The following CTCF variants were observed in gnomAD, a reference collection of about 807,000 sequenced individuals.
CTCF encodes transcriptional repressor CTCF.
In CTCF, 7 loss-of-function variants were observed where a neutral mutation model predicts 72.3. The ratio of observed to expected loss-of-function variants is 0.10; its 90% CI spans 0.06 to 0.18. CTCF has a LOEUF of 0.18. Among genes scored for constraint, CTCF ranks in the 10% least tolerant of loss-of-function variants. The probability of loss-of-function intolerance (pLI) is 1.00; values close to 1 mark genes in which losing one functional copy is unlikely to be tolerated. For missense variants in CTCF, 516 were observed against 949.1 expected, an observed-to-expected ratio of 0.54 and a Z score of 6.00; for synonymous variants, 374 against 315.8, an observed-to-expected ratio of 1.18 and a Z score of -1.95.
At chr16:67,631,111 G>C (rs2052355636) in intron 10 of CTCF, among the ~76,000 whole-genome samples, 1 of 151,536 alleles carries the variant, frequency 6.6e-6, no homozygotes, top group African/African-American at 2.4e-5. Context: ...GAACATATTG[G>C]AGAACTTTAG....
chr16:67,576,311 A>T lies in CTCF; in HGVS notation c.-10+5047A>T, dbSNP rs542088400. Among the ~76,000 whole-genome samples, 3 of 152,244 alleles carry T rather than the reference A, an allele frequency of 2.0e-5. No individual in the cohort carries two copies. The South Asian group carries it at 6.2e-4, about 32-fold the overall frequency. ...AGCTCAATAAGTAATTATTTGGATG[A>T]ATGAATGCCTAGGGAAAAAAGACTA... On this transcript the variant is annotated intron_variant, in intron 2 of 11. Coordinates refer to ENST00000264010, the MANE Select transcript of CTCF (RefSeq NM_006565.4).
intron 2 of CTCF, among the ~76,000 whole-genome samples, chr16:67,584,334 C>CGTCTTTTTTTTTTTTTT (rs1567596519): frequency 1.6e-5 from 2 of 121,928 alleles, no homozygotes; most frequent in African/African-American, 7.3e-5. Context: ...AAAAAAAAGT[C>CGTCTTTTTTTTTTTTTT]TTCTTTTTTT....
intron 2 of CTCF, among the ~76,000 whole-genome samples, chr16:67,575,694 T>C (rs1332523282): frequency 6.1e-4 from 92 of 151,878 alleles, no homozygotes; most frequent in African/African-American, 2.2e-3. Flanking sequence ...CCGCCCACCT[T>C]GGCCTCCCAA....
chr16:67,582,868 G>C (rs546677972), intron 2 of CTCF, among the ~76,000 whole-genome samples: 5 of 151,864 alleles, frequency 3.3e-5, no homozygotes, highest in African/African-American at 9.7e-5. Flanking sequence ...TGACATAGAG[G>C]TCTGTCTTAG....
In CTCF at chr16:67,612,096, G is replaced by A. The variant is rs202192196; in HGVS notation, c.927G>A (p.Leu309=). Residue 309 remains leucine, a synonymous_variant, in exon 4 of 12, where the codon CTG becomes CTA. Coordinates refer to ENST00000264010, the MANE Select transcript of CTCF (RefSeq NM_006565.4). ...CGRAFRTVTL[L]RNHLNTHTGT... ...GGGCATTCAGAACAGTCACCCTCCTGAGGAATCACCTTAACACACACACAG... is the reference window on the plus strand; with the variant it reads ...GGGCATTCAGAACAGTCACCCTCCTAAGGAATCACCTTAACACACACACAG... 3 of 1,614,118 alleles carry A rather than the reference G, an allele frequency of 1.9e-6. No homozygotes were observed. Among genetic ancestry groups the A allele is most frequent in the Middle Eastern group, 1.6e-4 (1 of 6,062 alleles).
At chr16:67,568,409 G>A (rs1410491481) in intron 1 of CTCF, 1 of 146,332 alleles carries the variant, frequency 6.8e-6, no homozygotes, top group Non-Finnish European at 1.5e-5. Context: ...TCTTCCCTGA[G>A]ACGAAGTCTT....
chr16:67,634,922 C>T (rs149220178), intron 10 of CTCF, among the ~76,000 whole-genome samples: 3,973 of 152,064 alleles, frequency 0.026, 91 homozygotes, highest in Non-Finnish European at 0.037. Context: ...AGGCTTGTCT[C>T]GAACTCCTAA....
rs2142869711 is a variant in CTCF at position 67,629,486 on chromosome 16, G to C, written c.1790G>C (p.Gly597Ala). ...GGAGAAACGAAGAAGAGTAAACGTG[G>C]AAGAAAAAGAAAGATGCGCTCTAAG... ...NGGETKKSKR[G>A]RKRKMRSKKE... The change falls in exon 10 of 12, where the codon GGA becomes GCA. Residue 597 changes from glycine to alanine, a missense_variant. By Grantham distance (60) the Gly-to-Ala change is moderately conservative. Transcript: ENST00000264010. The C allele has an allele frequency of 6.2e-7, 1 of 1,613,600 alleles. No homozygotes were observed. The highest frequency in any genetic ancestry group is 8.5e-7 in the Non-Finnish European group (1 of 1,179,888).
chr16:67,587,310 TA>T (rs1299556197), intron 2 of CTCF, among the ~76,000 whole-genome samples: 2 of 152,106 alleles, frequency 1.3e-5, no homozygotes, highest in African/African-American at 2.4e-5. Flanking sequence ...TATTTATTAT[TA>T]CCACATTGCT....
intron 2 of CTCF, among the ~76,000 whole-genome samples, chr16:67,605,381 A>AT (rs1185140522): frequency 1.3e-5 from 2 of 152,096 alleles, no homozygotes; most frequent in African/African-American, 2.4e-5. Flanking sequence ...CTGCGGTAAC[A>AT]TTTTTTTATA....
chr16:67,569,960 A>C (rs796236340), intron 1 of CTCF, among the ~76,000 whole-genome samples: 45 of 152,320 alleles, frequency 3.0e-4, no homozygotes, highest in African/African-American at 9.1e-4. Flanking sequence ...TATCTTACTA[A>C]ACTGGAAAGC....
At chr16:67,616,511 A>G in intron 4 of CTCF, 2 of 485,602 alleles carry the variant, frequency 4.1e-6, no homozygotes, top group Non-Finnish European at 7.4e-6. Context: ...GCGGATTCAG[A>G]TGGGTAATTA....
At chr16:67,567,992 CT>C (rs1357428798) in intron 1 of CTCF, 1 of 150,372 alleles carries the variant, frequency 6.7e-6, no homozygotes, top group African/African-American at 2.5e-5. Context: ...TGTCCCCCAC[CT>C]GCCCCAAGCG....
intron 10 of CTCF, among the ~76,000 whole-genome samples, chr16:67,636,291 AAAC>A (rs1226039926): frequency 1.3e-5 from 2 of 151,924 alleles, no homozygotes; most frequent in African/African-American, 4.8e-5. Context: ...CAGGAGAATT[AAAC>A]CCAGGTTGCA....
chr16:67,636,887 T>C, intron 11 of CTCF, 36 bp downstream of exon 11: 1 of 1,442,452 alleles, frequency 6.9e-7, no homozygotes, highest in East Asian at 2.6e-5. Context: ...GGCTGGCGTC[T>C]TCTCCGAGCA....
intron 2 of CTCF, among the ~76,000 whole-genome samples, chr16:67,585,429 C>T (rs2051656793): frequency 6.6e-6 from 1 of 152,202 alleles, no homozygotes; most frequent in African/African-American, 2.4e-5. Context: ...CCCACATGTG[C>T]AATGATGCAT....
intron 2 of CTCF, among the ~76,000 whole-genome samples, chr16:67,576,881 C>G (rs2051505204): frequency 6.6e-6 from 1 of 151,804 alleles, no homozygotes; most frequent in Non-Finnish European, 1.5e-5. Flanking sequence ...GTTGAAATGG[C>G]AAGATATTTG....
At chr16:67,612,357 T>C (rs1012736887) in intron 4 of CTCF, 1 of 341,564 alleles carries the variant, frequency 2.9e-6, no homozygotes, top group East Asian at 5.9e-5. Context: ...TCTCAGGCAA[T>C]AGATGCCTGG....
intron 2 of CTCF, among the ~76,000 whole-genome samples, chr16:67,572,991 G>A (rs903559967): frequency 1.0e-4 from 12 of 117,942 alleles, no homozygotes; most frequent in Non-Finnish European, 1.6e-4. Flanking sequence ...GGTGGCTCAC[G>A]CCTGTAATCC....
Sources: gnomAD v4.1 joint callset for allele counts (sites outside exome capture counted in the v4.1 genomes callset) on GRCh38, gnomAD v4.1.1 for gene constraint, MANE v1.5 for transcripts, NCBI Gene and HGNC (gene_info 2026-07-23, HGNC 2026-07-21) for gene names.